Variants in CACNA2D3 observed in about 807,000 individuals in gnomAD.
CACNA2D3 encodes voltage-dependent calcium channel subunit alpha-2/delta-3.
CACNA2D3 carries 60 observed loss-of-function variants against 160.6 expected under a neutral mutation model. The observed-to-expected ratio is 0.37, with a 90% confidence interval of 0.30 to 0.46. The LOEUF is 0.46. CACNA2D3 is among the 20% of genes least tolerant of loss of function. The pLI, the probability that CACNA2D3 is intolerant of heterozygous loss-of-function variation, is 1.00. For missense variants in CACNA2D3, 1,205 were observed against 1,365.0 expected (o/e 0.88, Z 1.85); for synonymous variants, 558 against 492.9 (o/e 1.13, Z -1.75).
chr3:54,149,052 G>A (rs1700092964), intron 2 of CACNA2D3, among the ~76,000 whole-genome samples: 1 of 151,890 alleles, frequency 6.6e-6, no homozygotes, highest in African/African-American at 2.4e-5. Flanking sequence ...GGGATCCTGA[G>A]GGGAGCGAGA....
At chr3:54,724,883 A>G (rs1701246427) in intron 11 of CACNA2D3, among the ~76,000 whole-genome samples, 2 of 152,240 alleles carry the variant, frequency 1.3e-5, no homozygotes, top group African/African-American at 4.8e-5. Context: ...AAACAAATTC[A>G]AAATCTAGCA....
At chr3:54,908,552 CA>C (rs1393730072) in intron 27 of CACNA2D3, among the ~76,000 whole-genome samples, 1 of 151,978 alleles carries the variant, frequency 6.6e-6, no homozygotes, top group Non-Finnish European at 1.5e-5. Flanking sequence ...ACCACCTCTA[CA>C]AAAAAATACA....
At chr3:54,183,892 G>GAAAAAAAAAAAAAAAAAA (rs58956795) in intron 2 of CACNA2D3, among the ~76,000 whole-genome samples, 1 of 80,754 alleles carries the variant, frequency 1.2e-5, no homozygotes, top group African/African-American at 5.1e-5. Flanking sequence ...TCTCAAAAAA[G>GAAAAAAAAAAAAAAAAAA]AAAAAAAAAA....
intron 35 of CACNA2D3, among the ~76,000 whole-genome samples, chr3:55,048,097 TCTC>T (rs1240881798): frequency 8.6e-6 from 1 of 115,968 alleles, no homozygotes; most frequent in Non-Finnish European, 1.8e-5. Flanking sequence ...TTTATTTCCT[TCTC>T]CTGCCTAATT....
At chr3:55,035,895 G>A (rs959643740) in intron 35 of CACNA2D3, among the ~76,000 whole-genome samples, 8 of 152,232 alleles carry the variant, frequency 5.3e-5, no homozygotes, top group African/African-American at 1.9e-4. Context: ...TAACTGATGA[G>A]TGAGGATGGA....
intron 2 of CACNA2D3, among the ~76,000 whole-genome samples, chr3:54,286,297 G>A (rs910920795): frequency 1.3e-5 from 2 of 152,240 alleles, no homozygotes; most frequent in African/African-American, 2.4e-5. Context: ...AGCCTCAGGA[G>A]CGGATGCGAT....
At chr3:54,860,772 T>C (rs1280847488) in intron 17 of CACNA2D3, among the ~76,000 whole-genome samples, 1 of 152,200 alleles carries the variant, frequency 6.6e-6, no homozygotes. Flanking sequence ...GAGCAGTCTC[T>C]GAGGTCAGAT....
At chr3:54,563,465 C>T (rs1702359445) in intron 6 of CACNA2D3, among the ~76,000 whole-genome samples, 1 of 152,144 alleles carries the variant, frequency 6.6e-6, no homozygotes, top group South Asian at 2.1e-4. Context: ...CTCCCAGCAC[C>T]CTAGCACCCC....
chr3:55,007,918 T>A (rs2107142709), intron 33 of CACNA2D3, 76 bp downstream of exon 33: 1 of 935,038 alleles, frequency 1.1e-6, no homozygotes, highest in Non-Finnish European at 1.6e-6. Flanking sequence ...TCTAAGAGAT[T>A]GTGAGTCATG....
chr3:54,731,064 A>G (rs1701374475), intron 11 of CACNA2D3, among the ~76,000 whole-genome samples: 1 of 152,216 alleles, frequency 6.6e-6, no homozygotes, highest in Non-Finnish European at 1.5e-5. Flanking sequence ...ACCCTAAAAA[A>G]GTCAACTTGC....
chr3:54,734,886 T>C (rs1264376715), intron 11 of CACNA2D3, among the ~76,000 whole-genome samples: 2 of 152,218 alleles, frequency 1.3e-5, no homozygotes, highest in Admixed American at 6.5e-5. Flanking sequence ...AGTTCGGTGA[T>C]GGGGATTAGC....
At chr3:54,990,033 C>A (rs941818337) in intron 31 of CACNA2D3, among the ~76,000 whole-genome samples, 1 of 152,160 alleles carries the variant, frequency 6.6e-6, no homozygotes, top group African/African-American at 2.4e-5. Flanking sequence ...ACTGACAGCA[C>A]TCTGGATCAG....
intron 11 of CACNA2D3, among the ~76,000 whole-genome samples, chr3:54,697,407 A>C (rs571850226): frequency 3.2e-4 from 48 of 152,310 alleles, no homozygotes; most frequent in African/African-American, 1.1e-3. Context: ...GTAAAGTTTG[A>C]GGACCACTGT....
chr3:54,470,551 A>G (rs896136941), intron 4 of CACNA2D3, among the ~76,000 whole-genome samples: 1 of 152,224 alleles, frequency 6.6e-6, no homozygotes, highest in African/African-American at 2.4e-5. Flanking sequence ...ACCAGCTAGA[A>G]TCATAATGAA....
rs148382173 is a variant in CACNA2D3, at chr3:54,679,340, C to G, written c.1167+37099C>G. ...AAAGAGGCTCTGTCTCTTCCCAAGT[C>G]TACTCAAAAGCATCCTTTTCTTATC... On this transcript the variant is annotated intron_variant, in intron 11 of 37. Transcript: ENST00000474759. Among the ~76,000 whole-genome samples, 861 of 152,282 alleles carry G rather than the reference C, an allele frequency of 5.7e-3. 26 individuals carry two copies. The highest frequency in any genetic ancestry group is 2.1e-3 in the Non-Finnish European group (140 of 68,018).
intron 27 of CACNA2D3, among the ~76,000 whole-genome samples, chr3:54,953,424 G>A (rs1575403448): frequency 6.6e-6 from 1 of 152,280 alleles, no homozygotes. Context: ...TGAGACTCAT[G>A]AAATTCCCCA....
chr3:54,826,020 G>A (rs1166083647), intron 14 of CACNA2D3, among the ~76,000 whole-genome samples: 1 of 151,868 alleles, frequency 6.6e-6, no homozygotes, highest in African/African-American at 2.4e-5. Context: ...AATACAAATC[G>A]AATTTTCTGA....
At chr3:54,910,658 A>C (rs1700537568) in intron 27 of CACNA2D3, among the ~76,000 whole-genome samples, 1 of 152,108 alleles carries the variant, frequency 6.6e-6, no homozygotes, top group African/African-American at 2.4e-5. Context: ...AAGGCTTTGA[A>C]CACTGTTCAT....
chr3:54,502,092 A>G (rs1701304102), intron 4 of CACNA2D3, among the ~76,000 whole-genome samples: 1 of 152,150 alleles, frequency 6.6e-6, no homozygotes, highest in Admixed American at 6.5e-5. Context: ...TACAGTTTGA[A>G]TATGATATGT....
Sources: gnomAD v4.1 joint callset for allele counts (sites outside exome capture counted in the v4.1 genomes callset) on GRCh38, gnomAD v4.1.1 for gene constraint, MANE v1.5 for transcripts, NCBI Gene and HGNC (gene_info 2026-07-23, HGNC 2026-07-21) for gene names.